The following ARID2 variants were observed in gnomAD, a reference collection of about 807,000 sequenced individuals.
ARID2 encodes AT-rich interaction domain 2, also known as AT-rich interactive domain-containing protein 2.
ARID2 carries 32 observed loss-of-function variants against 184.6 expected under a neutral mutation model. The ratio of observed to expected loss-of-function variants is 0.17; its 90% confidence interval spans 0.13 to 0.23. The LOEUF is 0.23. ARID2 is among the 10% of genes least tolerant of loss of function. The probability of loss-of-function intolerance (pLI) is 1.00; values close to 1 mark genes in which losing one functional copy is unlikely to be tolerated. For synonymous variants in ARID2, 836 were observed against 772.6 expected, an observed-to-expected ratio of 1.08 and a Z score of -1.36; for missense variants, 1,696 against 2,197.6, an observed-to-expected ratio of 0.77 and a Z score of 4.56.
intron 3 of ARID2, among the ~76,000 whole-genome samples, chr12:45,806,790 C>T (rs1332581871): frequency 6.6e-6 from 1 of 151,882 alleles, no homozygotes; most frequent in Non-Finnish European, 1.5e-5. Context: ...GTCCCTGTCA[C>T]CGGATGACAC....
chr12:45,899,479 G>GTA (rs1317073044), intron 20 of ARID2, among the ~76,000 whole-genome samples: 14 of 140,164 alleles, frequency 1.0e-4, no homozygotes, highest in East Asian at 6.7e-4. Flanking sequence ...GGTGGCGGGC[G>GTA]CCTGTAGTCC....
Position 45,836,487 on chromosome 12 carries a change from A to G in ARID2, c.706-102A>G, listed in dbSNP as rs1035123750. On this transcript the variant is annotated intron_variant, in intron 6 of 20. Transcript: ENST00000334344. ...CATCTTGGCCTCTTAAAGTGCTGGG[A>G]TTACAGGCATGAGCCACCATACCTA... 4.0e-5 allele frequency: 44 copies of G among 1,112,528 alleles called. No individual in the cohort carries two copies. In the Admixed American group the frequency reaches 9.9e-4, roughly 25 times the overall value. 68.9% of individuals were successfully genotyped at this position (1,112,528 alleles called of 1,614,324 possible).
At chr12:45,786,078 A>G (rs1942192232) in intron 3 of ARID2, among the ~76,000 whole-genome samples, 1 of 152,200 alleles carries the variant, frequency 6.6e-6, no homozygotes, top group African/African-American at 2.4e-5. Context: ...AATACTGTCA[A>G]TCTCTAAGGG....
intron 6 of ARID2, among the ~76,000 whole-genome samples, chr12:45,827,036 G>T (rs1943014823): frequency 6.6e-6 from 1 of 151,546 alleles, no homozygotes; most frequent in Non-Finnish European, 1.5e-5. Flanking sequence ...AATTTAGATT[G>T]TTTCCATTTC....
At chr12:45,830,682 A>C (rs944994720) in intron 6 of ARID2, among the ~76,000 whole-genome samples, 1 of 152,168 alleles carries the variant, frequency 6.6e-6, no homozygotes, top group Non-Finnish European at 1.5e-5. Context: ...AAATTGCACA[A>C]AGTGTTTAAA....
intron 3 of ARID2, among the ~76,000 whole-genome samples, chr12:45,753,936 T>C (rs1372285031): frequency 6.6e-6 from 1 of 152,210 alleles, no homozygotes; most frequent in Non-Finnish European, 1.5e-5. Context: ...TCTTAGTGAC[T>C]TTTGCCATTT....
At chr12:45,843,857 A>G (rs1310533357) in intron 11 of ARID2, among the ~76,000 whole-genome samples, 3 of 152,166 alleles carry the variant, frequency 2.0e-5, no homozygotes, top group African/African-American at 7.2e-5. Flanking sequence ...TCTCTTGCTT[A>G]ATCAGGCTCT....
chr12:45,839,686 A>C (rs1253249452), intron 11 of ARID2, 190 bp downstream of exon 11: 18 of 506,594 alleles, frequency 3.6e-5, no homozygotes, highest in Non-Finnish European at 4.9e-5. Context: ...AGGTGAGCTC[A>C]TAGGAAGAAT....
chr12:45,887,021 T>C (rs1382528062), intron 16 of ARID2, among the ~76,000 whole-genome samples: 1 of 152,196 alleles, frequency 6.6e-6, no homozygotes, highest in African/African-American at 2.4e-5. Flanking sequence ...CAGACCTGAA[T>C]TTCTCCCCAG....
chr12:45,849,512 T>C (rs2138155848), intron 13 of ARID2, 68 bp from the exon 14 acceptor site: 1 of 1,304,410 alleles, frequency 7.7e-7, no homozygotes. Flanking sequence ...CTGTTGTTCA[T>C]GTAAACATAA....
chr12:45,738,025 A>C (rs912082228), intron 3 of ARID2, among the ~76,000 whole-genome samples: 12 of 152,180 alleles, frequency 7.9e-5, no homozygotes, highest in African/African-American at 2.7e-4. Flanking sequence ...AAATTAATTA[A>C]AAATAAGTGT....
intron 3 of ARID2, among the ~76,000 whole-genome samples, chr12:45,766,993 A>G (rs897514940): frequency 6.6e-6 from 1 of 152,030 alleles, no homozygotes; most frequent in East Asian, 1.9e-4. Flanking sequence ...AACAACAACA[A>G]TAACAAACAT....
At chr12:45,899,889 T>C (rs1944435031) in intron 20 of ARID2, among the ~76,000 whole-genome samples, 1 of 151,612 alleles carries the variant, frequency 6.6e-6, no homozygotes, top group South Asian at 2.1e-4. Flanking sequence ...TCTAATTTTA[T>C]ACATTTATTG....
intron 3 of ARID2, among the ~76,000 whole-genome samples, chr12:45,799,841 T>C (rs991941054): frequency 6.6e-6 from 1 of 152,154 alleles, no homozygotes; most frequent in Non-Finnish European, 1.5e-5. Flanking sequence ...CCCATAAATT[T>C]AGTTTTATTT....
At chr12:45,848,586 T>C (rs1943484574) in intron 12 of ARID2, among the ~76,000 whole-genome samples, 1 of 152,152 alleles carries the variant, frequency 6.6e-6, no homozygotes, top group Non-Finnish European at 1.5e-5. Flanking sequence ...AACCCTGCTC[T>C]CATTGGGATG....
intron 3 of ARID2, among the ~76,000 whole-genome samples, chr12:45,790,045 C>G (rs1366093571): frequency 6.6e-6 from 1 of 152,142 alleles, no homozygotes. Flanking sequence ...ATAAACTTTT[C>G]CATTCCTTTA....
At chr12:45,849,262 T>C (rs1943496066) in intron 13 of ARID2, among the ~76,000 whole-genome samples, 1 of 152,192 alleles carries the variant, frequency 6.6e-6, no homozygotes, top group South Asian at 2.1e-4. Flanking sequence ...TCTTGAATAA[T>C]AGAATATAAT....
At chr12:45,743,963 T>A (rs1941312044) in intron 3 of ARID2, among the ~76,000 whole-genome samples, 1 of 152,184 alleles carries the variant, frequency 6.6e-6, no homozygotes, top group African/African-American at 2.4e-5. Context: ...CCTGCTGCCT[T>A]ACTAAATTGT....
chr12:45,790,355 T>G (rs1041355263), intron 3 of ARID2, among the ~76,000 whole-genome samples: 1 of 152,178 alleles, frequency 6.6e-6, no homozygotes, highest in Admixed American at 6.5e-5. Context: ...ATGATATAGA[T>G]TCAATATGTT....
Sources: gnomAD v4.1 joint callset for allele counts (sites outside exome capture counted in the v4.1 genomes callset) on GRCh38, gnomAD v4.1.1 for gene constraint, MANE v1.5 for transcripts, NCBI Gene and HGNC (gene_info 2026-07-23, HGNC 2026-07-21) for gene names.